TRMU: variants seen among roughly 807,000 people sequenced by gnomAD.
The protein encoded by TRMU is tRNA mitochondrial 2-thiouridylase.
A neutral mutation model predicts 46.9 loss-of-function variants in TRMU; 49 were observed. The ratio of observed to expected loss-of-function variants is 1.05; its 90% confidence interval spans 0.83 to 1.33. The LOEUF (loss-of-function observed/expected upper bound fraction) is 1.33. TRMU is among the 40% of genes most tolerant of loss of function. The pLI is 0.00. For missense variants in TRMU, 572 were observed against 532.4 expected, an observed-to-expected ratio of 1.07 and a Z score of -0.73; for synonymous variants, 241 against 200.9, an observed-to-expected ratio of 1.20 and a Z score of -1.69.
Position 46,335,814 on chromosome 22 carries a change from G to T in TRMU, c.50G>T (p.Ser17Ile). ...TGCGCCCTGTCCGGCGGCGTGGACA[G>T]CGCCGTGGCCGCGCTGCTGCTGAGG... Reference protein sequence around the residue: ...VVCALSGGVDSAVAALLLRRR... With the variant: ...VVCALSGGVDIAVAALLLRRR... Residue 17 changes from serine to isoleucine, a missense_variant, in exon 1 of 11, where the codon AGC becomes ATC. Transcript: ENST00000645190. The T allele has an allele frequency of 1.3e-6, 2 of 1,558,880 alleles. No individual in the cohort carries two copies. The highest frequency in any genetic ancestry group is 1.7e-6 in the Non-Finnish European group (2 of 1,157,682).
chr22:46,340,868 A>G (rs2078104491), intron 2 of TRMU, among the ~76,000 whole-genome samples: 1 of 152,170 alleles, frequency 6.6e-6, no homozygotes. Context: ...GTCTTTTCCC[A>G]TCTCTGGGGC....
intron 9 of TRMU, 160 bp from the exon 10 acceptor site, chr22:46,355,830 C>T (rs573807494): frequency 8.8e-5 from 88 of 1,001,582 alleles, no homozygotes; most frequent in Admixed American, 4.9e-4. Flanking sequence ...TACACTGCCC[C>T]GCAGTGTCCT....
intron 10 of TRMU, 179 bp downstream of exon 10, chr22:46,356,251 TGA>T: frequency 3.1e-6 from 2 of 645,320 alleles, no homozygotes; most frequent in East Asian, 2.8e-5. Flanking sequence ...GTGACAACTG[TGA>T]GAGGATTTCC....
In TRMU at chr22:46,350,179, C is replaced by T. The variant is rs1437500808; in HGVS notation, c.479-112C>T. 3 of 1,330,666 alleles carry T rather than the reference C, an allele frequency of 2.3e-6. No individual in the cohort carries two copies. In the African/African-American group the frequency reaches 4.4e-5, roughly 19 times the overall value. The allele number at this position is 1,330,666 out of a possible 1,614,324, so 82.4% of individuals were successfully genotyped here. A position where few individuals can be genotyped will look rare whatever the true frequency, so the allele number is the denominator to read the frequency against. Reference sequence around the variant, plus strand: ...AGTAGTTGCTATTGAGTGTTGATGTCTGCCTCTGACAGGCTAGGGGTAGTC... The same window carrying T: ...AGTAGTTGCTATTGAGTGTTGATGTTTGCCTCTGACAGGCTAGGGGTAGTC... On this transcript the variant is annotated intron_variant, in intron 4 of 10. Transcript: ENST00000645190. This position sits in a 1 kb window ranked among gnomAD's most constrained non-coding sequence, Gnocchi z 4.6.
chr22:46,339,937 AG>A lies in TRMU; in HGVS notation c.248+1994del, dbSNP rs1352315656. On this transcript the variant is annotated intron_variant, in intron 2 of 10. Transcript: ENST00000645190. The surrounding 1 kb of genome is among the most constrained non-coding windows in gnomAD (Gnocchi z 4.8). ...CTTCTGCAGTTTTCTCGGGGACATA[AG>A]AAAAAAAAAAGAGTGTGGCGGCCAA... is the stretch of plus-strand genomic sequence containing the variant. 6.7e-6 allele frequency among the ~76,000 whole-genome samples: 1 copy of A among 149,342 alleles called. No individual in the cohort carries two copies. The highest frequency in any genetic ancestry group is 1.5e-5 in the Non-Finnish European group (1 of 68,014).
rs1439478385 is a variant in TRMU at position 46,339,408 on chromosome 22, C to T, written c.248+1464C>T. On this transcript the variant is annotated intron_variant, in intron 2 of 10. Coordinates refer to ENST00000645190, the MANE Select transcript of TRMU (RefSeq NM_018006.5). This position sits in a 1 kb window ranked among gnomAD's most constrained non-coding sequence, Gnocchi z 4.8. ...CAGAAGATCCACTCGTCTCAGCCTC[C>T]CAAAGTGCTGGGATTACAGGCGTGA... Among the ~76,000 whole-genome samples, 1 of 152,192 alleles carries T rather than the reference C, an allele frequency of 6.6e-6. No individual in the cohort carries two copies. The highest frequency in any genetic ancestry group is 2.4e-5 in the African/African-American group (1 of 41,448).
chr22:46,353,784 T>C lies in TRMU; in HGVS notation c.790T>C (p.Leu264=). Residue 264 remains leucine, a synonymous_variant, in exon 8 of 11, where the codon TTG becomes CTG. Transcript: ENST00000645190. ...GTHKGWFLYT[L]GQRANIGGLR... is the part of the protein sequence containing the mutation. ...TTCTGTAGGTTGGTTCCTGTATACCTTGGGCCAGAGAGCAAACATAGGTGG... is the reference window on the plus strand; with the variant it reads ...TTCTGTAGGTTGGTTCCTGTATACCCTGGGCCAGAGAGCAAACATAGGTGG... The C allele has an allele frequency of 1.2e-6, 2 of 1,613,860 alleles. No individual in the cohort carries two copies. Among genetic ancestry groups the C allele is most frequent in the African/African-American group, 1.3e-5 (1 of 75,042 alleles).
At position 46,351,206 on chromosome 22, in the gene TRMU, C is replaced by T. The variant is rs919086645; in HGVS notation, c.651+743C>T. 4.6e-5 allele frequency among the ~76,000 whole-genome samples: 7 copies of T among 152,264 alleles called. No homozygotes were observed. The highest frequency in any genetic ancestry group is 1.9e-4 in the East Asian group (1 of 5,172). On this transcript the variant is annotated intron_variant, in intron 5 of 10. Transcript: ENST00000645190. The surrounding 1 kb of genome is among the most constrained non-coding windows in gnomAD (Gnocchi z 6.4). Reference sequence around the variant, plus strand: ...GAACGGCAGTGCAAAGGCCTTGAGGCGAGGAGAAGCCAGGGAGCCGCTGTG... The same window carrying T: ...GAACGGCAGTGCAAAGGCCTTGAGGTGAGGAGAAGCCAGGGAGCCGCTGTG...
Position 46,348,160 on chromosome 22 carries a change from T to A in TRMU, c.478+1616T>A, listed in dbSNP as rs1216790811. Among the ~76,000 whole-genome samples, 1 of 152,176 alleles carries A rather than the reference T, an allele frequency of 6.6e-6. No homozygotes were observed. The highest frequency in any genetic ancestry group is 1.5e-5 in the Non-Finnish European group (1 of 68,036). On this transcript the variant is annotated intron_variant, in intron 4 of 10. Coordinates refer to ENST00000645190, the MANE Select transcript of TRMU (RefSeq NM_018006.5). The surrounding 1 kb of genome is among the most constrained non-coding windows in gnomAD (Gnocchi z 4.8). ...GAACTCCAGGGTGGAATTCACCAAG[T>A]AATTGTGCATTTACGGGGCCTGAGG...
At position 46,350,096 on chromosome 22, in the gene TRMU, GT is replaced by G. The variant is rs879199415; in HGVS notation, c.479-184del. Among the ~76,000 whole-genome samples, 20 of 136,654 alleles carry G rather than the reference GT, an allele frequency of 1.5e-4. No homozygotes were observed. Among genetic ancestry groups the G allele is most frequent in the Admixed American group, 1.5e-4 (2 of 13,544 alleles). 89.7% of individuals were successfully genotyped at this position (136,654 alleles called of 152,430 possible). A position where few individuals can be genotyped will look rare whatever the true frequency, so the allele number is the denominator to read the frequency against. On this transcript the variant is annotated intron_variant, in intron 4 of 10. Transcript: ENST00000645190. This position sits in a 1 kb window ranked among gnomAD's most constrained non-coding sequence, Gnocchi z 4.6. The stretch of plus-strand genomic sequence containing the variant: ...AATTTCTTTGTCATGTAAAATCCTT[GT>G]TTTTTTTTTTGGAGGTGCGAATTTT...
intron 3 of TRMU, among the ~76,000 whole-genome samples, chr22:46,346,192 C>T (rs1569071384): frequency 2.0e-5 from 3 of 151,102 alleles, no homozygotes; most frequent in African/African-American, 7.3e-5. Context: ...TGCAATAACA[C>T]TTTAAGTAGC....
rs6008771 is a variant in TRMU, at chr22:46,352,473, G to A, written c.772+143G>A. ...GGCTCTGTGGGGCGGCCGGGGGCGG[G>A]CACGGCCTAGGGTGGAACAGTTGCC... On this transcript the variant is annotated intron_variant, in intron 7 of 10. Transcript: ENST00000645190. The A allele has an allele frequency of 0.013, 12,133 of 936,272 alleles. 921 individuals are homozygous for A. In the African/African-American group the frequency reaches 0.17, roughly 13 times the overall value. The allele number at this position is 936,272 out of a possible 1,614,324, so 58.0% of individuals were successfully genotyped here. A position where few individuals can be genotyped will look rare whatever the true frequency, so the allele number is the denominator to read the frequency against.
Position 46,356,857 on chromosome 22 carries a change from A to G in TRMU, c.1117A>G (p.Lys373Glu), listed in dbSNP as rs2078626539. Residue 373 changes from lysine to glutamate, a missense_variant, in exon 11 of 11, where the codon AAG (lysine) becomes GAG (glutamate). Physicochemically the swap from Lys to Glu is moderately conservative, Grantham distance 56 (BLOSUM62 1). Coordinates refer to ENST00000645190, the MANE Select transcript of TRMU (RefSeq NM_018006.5). ...TCCCCTACAGTTTGCTGTGTTCTAC[A>G]AGGGGGACGAGTGCCTGGGCAGCGG... Reference protein sequence around the residue: ...LATGQFAVFYKGDECLGSGKI... With the variant: ...LATGQFAVFYEGDECLGSGKI... 3.1e-6 allele frequency: 5 copies of G among 1,613,326 alleles called. No individual in the cohort carries two copies. In the East Asian group the frequency reaches 6.7e-5, roughly 22 times the overall value.
intron 10 of TRMU, 28 bp downstream of exon 10, chr22:46,356,100 G>T: frequency 6.2e-7 from 1 of 1,613,086 alleles, no homozygotes; most frequent in Non-Finnish European, 8.5e-7. Context: ...GTGAGCCCGG[G>T]GAGGACTGTA....
intron 3 of TRMU, among the ~76,000 whole-genome samples, chr22:46,346,022 C>T (rs951739745): frequency 2.0e-5 from 3 of 152,162 alleles, no homozygotes; most frequent in Admixed American, 6.5e-5. Flanking sequence ...CTGCCCGCCT[C>T]GGCCTCCCAG....
intron 1 of TRMU, among the ~76,000 whole-genome samples, chr22:46,337,212 T>C (rs1040377181): frequency 2.6e-5 from 4 of 152,220 alleles, no homozygotes; most frequent in Non-Finnish European, 5.9e-5. Flanking sequence ...AGCTTTCTCA[T>C]ACAGGGTCTG....
At position 46,338,467 on chromosome 22, in the gene TRMU, G is replaced by A. The variant is rs2078037271; in HGVS notation, c.248+523G>A. 6.6e-6 allele frequency among the ~76,000 whole-genome samples: 1 copy of A among 152,256 alleles called. No homozygotes were observed. The highest frequency in any genetic ancestry group is 1.5e-5 in the Non-Finnish European group (1 of 68,044). ...GATGTCTTCACTGTGACCTGGCTCT[G>A]TAGGAGTTTGCGGTCTAGTTGGGAG... On this transcript the variant is annotated intron_variant, in intron 2 of 10. Coordinates refer to ENST00000645190, the MANE Select transcript of TRMU (RefSeq NM_018006.5). This position sits in a 1 kb window ranked among gnomAD's most constrained non-coding sequence, Gnocchi z 4.5.
At position 46,336,711 on chromosome 22, in the gene TRMU, C is replaced by A. The variant is rs1449774128; in HGVS notation, c.82+865C>A. 6.6e-6 allele frequency: 1 copy of A among 152,166 alleles called. No individual in the cohort carries two copies. Among genetic ancestry groups the A allele is most frequent in the African/African-American group, 2.4e-5 (1 of 41,392 alleles). The allele number at this position is 152,166 out of a possible 1,614,324, so 9.4% of individuals were successfully genotyped here. A position where few individuals can be genotyped will look rare whatever the true frequency, so the allele number is the denominator to read the frequency against. On this transcript the variant is annotated intron_variant, in intron 1 of 10. Transcript: ENST00000645190. The surrounding 1 kb of genome is among the most constrained non-coding windows in gnomAD (Gnocchi z 4.1). ...GGCTATTAGTTTATATTGTTAATAACCATAGCTATTATGGTAGGTACAGTA... is the reference window on the plus strand; with the variant it reads ...GGCTATTAGTTTATATTGTTAATAAACATAGCTATTATGGTAGGTACAGTA...
Position 46,337,952 on chromosome 22 carries a change from C to G in TRMU, c.248+8C>G. 1 of 1,613,754 alleles carries G rather than the reference C, an allele frequency of 6.2e-7. No homozygotes were observed. The highest frequency in any genetic ancestry group is 8.5e-7 in the Non-Finnish European group (1 of 1,179,874). On this transcript the variant is annotated splice_region_variant and intron_variant, in intron 2 of 10. Coordinates refer to ENST00000645190, the MANE Select transcript of TRMU (RefSeq NM_018006.5). Reference sequence around the variant, plus strand: ...TTGGAATGATGTGTTCAGGTGAGTGCGGGTCACAGCACAAAGGAAGCTTCC... The same window carrying G: ...TTGGAATGATGTGTTCAGGTGAGTGGGGGTCACAGCACAAAGGAAGCTTCC...
Sources: gnomAD v4.1 joint callset for allele counts (sites outside exome capture counted in the v4.1 genomes callset) on GRCh38, gnomAD v4.1.1 for gene constraint, Gnocchi (gnomAD v3.1) non-coding constraint, MANE v1.5 for transcripts, NCBI Gene and HGNC (gene_info 2026-07-23, HGNC 2026-07-21) for gene names.